Variants in TRIM14 observed in about 807,000 individuals in gnomAD.
The protein encoded by TRIM14 is tripartite motif containing 14.
TRIM14 carries 28 observed loss-of-function variants against 44.5 expected under a neutral mutation model. The observed-to-expected ratio is 0.63, with a 90% CI of 0.47 to 0.86. The LOEUF is 0.86. Ranked by LOEUF, TRIM14 falls within the 40% of genes least tolerant of loss-of-function variation. The probability of loss-of-function intolerance (pLI) is 0.00; values close to 1 mark genes in which losing one functional copy is unlikely to be tolerated. For synonymous variants in TRIM14, 299 were observed against 269.2 expected (o/e 1.11, Z -1.08); for missense variants, 607 against 611.1 (o/e 0.99, Z 0.07).
At chr9:98,083,093 C>T, downstream of TRIM14, 2 of 1,594,594 alleles carry the variant, frequency 1.3e-6, no homozygotes, top group East Asian at 2.2e-5. Flanking sequence ...AGTTCCCTTG[C>T]TGATGCTGTC....
chr9:98,041,324 T>C, the TRIM14 span, among the ~76,000 whole-genome samples: 1 of 152,158 alleles, frequency 6.6e-6, no homozygotes, highest in African/African-American at 2.4e-5. Context: ...AGCCAATTTT[T>C]TCTCTCTCCA....
the TRIM14 span, among the ~76,000 whole-genome samples, chr9:98,063,006 G>C: frequency 3.5e-3 from 528 of 150,352 alleles, 5 homozygotes; most frequent in African/African-American, 0.011. Context: ...GCGTGATCTC[G>C]GCTCGCTGCA....
the TRIM14 span, chr9:98,060,895 G>A: frequency 1.2e-6 from 2 of 1,614,188 alleles, no homozygotes; most frequent in Non-Finnish European, 1.7e-6. Flanking sequence ...AGACGTACGG[G>A]GAGCACAAAC....
intron 2 of TRIM14, among the ~76,000 whole-genome samples, chr9:98,106,911 C>T (rs373861971): frequency 9.4e-5 from 14 of 149,196 alleles, no homozygotes; most frequent in African/African-American, 3.5e-4. Flanking sequence ...ACTGCAATTT[C>T]AACCTTCTGA....
chr9:98,111,776 T>C (rs1826861886), intron 1 of TRIM14, among the ~76,000 whole-genome samples: 1 of 151,960 alleles, frequency 6.6e-6, no homozygotes, highest in Admixed American at 6.6e-5. Context: ...CCGTCTCTAC[T>C]ACAAATACAA....
intron 1 of TRIM14, among the ~76,000 whole-genome samples, chr9:98,111,053 C>T (rs1019979037): frequency 1.3e-5 from 2 of 150,710 alleles, no homozygotes; most frequent in Admixed American, 6.6e-5. Flanking sequence ...CCCTGTCCCC[C>T]CCCCCAAAAA....
chr9:98,117,432 G>A (rs960848993), intron 1 of TRIM14, among the ~76,000 whole-genome samples: 2 of 151,944 alleles, frequency 1.3e-5, no homozygotes, highest in African/African-American at 2.4e-5. Context: ...TGAGTAGCTG[G>A]GATTACAGAT....
chr9:98,084,713 A>T lies in TRIM14; in HGVS notation c.*2757T>A, dbSNP rs1218223491. On this transcript the variant is annotated 3_prime_UTR_variant, in exon 6 of 6. Transcript: ENST00000341469. Reference sequence around the variant, plus strand: ...GAGACAAGAGTCTTGCTCTGTCCCCAGGCTGGAGTGCAGTGGTGCAATCTC... The same window carrying T: ...GAGACAAGAGTCTTGCTCTGTCCCCTGGCTGGAGTGCAGTGGTGCAATCTC... The T allele has an allele frequency of 6.6e-6, 1 of 152,190 alleles. No homozygotes were observed. Among genetic ancestry groups the T allele is most frequent in the Non-Finnish European group, 1.5e-5 (1 of 68,090 alleles). The allele number at this position is 152,190 out of a possible 1,614,324, so 9.4% of individuals were successfully genotyped here.
chr9:98,065,334 C>G (rs936804125), downstream of TRIM14, among the ~76,000 whole-genome samples: 2 of 60,068 alleles, frequency 3.3e-5, no homozygotes, highest in African/African-American at 1.8e-4. Flanking sequence ...TTTTTTGAAA[C>G]AGAGTTTCGT....
At chr9:98,060,705 A>G in the TRIM14 span, 1 of 1,279,090 alleles carries the variant, frequency 7.8e-7, no homozygotes, top group Non-Finnish European at 1.1e-6. Flanking sequence ...GTGATGTCAT[A>G]GTGGTTGCTC....
chr9:98,109,984 T>C lies in TRIM14; in HGVS notation c.208A>G (p.Lys70Glu). The change falls in exon 2 of 6, where the codon AAA becomes GAA. Residue 70 changes from lysine to glutamate, a missense_variant and splice_region_variant. By Grantham distance (56) the Lys-to-Glu change is moderately conservative. Around this residue, in one of 3 missense-constraint regions of TRIM14, gnomAD observed 246 missense variants for 270.8 expected, o/e 0.91. Transcript: ENST00000341469. ...TGCTTTAAACATTCTTGGCTGAGTT[T>C]CTGTACAGGAGGGAGTTAGGAAAAA... Reference protein sequence around the residue: ...LALEAAVHVQKLSQECLKQLA... With the variant: ...LALEAAVHVQELSQECLKQLA... 6.2e-7 allele frequency: 1 copy of C among 1,613,734 alleles called. No homozygotes were observed. Among genetic ancestry groups the C allele is most frequent in the South Asian group, 1.1e-5 (1 of 91,074 alleles).
At chr9:98,118,842 T>TA in intron 1 of TRIM14, 140 bp downstream of exon 1, 4 of 1,038,488 alleles carry the variant, frequency 3.9e-6, no homozygotes, top group Non-Finnish European at 3.9e-6. Context: ...GTCGACCGCT[T>TA]AGACGCCCTC....
At chr9:98,066,707 G>C (rs1430784587), downstream of TRIM14, among the ~76,000 whole-genome samples, 1 of 151,336 alleles carries the variant, frequency 6.6e-6, no homozygotes. Flanking sequence ...CTGGAGTGCA[G>C]TGGTAGGATC....
chr9:98,064,124 G>A, the TRIM14 span, among the ~76,000 whole-genome samples: 1 of 152,184 alleles, frequency 6.6e-6, no homozygotes, highest in Non-Finnish European at 1.5e-5. Context: ...GAGGAAGGTG[G>A]AGAACCTAGG....
the TRIM14 span, among the ~76,000 whole-genome samples, chr9:98,047,410 G>A: frequency 1.3e-5 from 2 of 152,008 alleles, no homozygotes; most frequent in Admixed American, 1.3e-4. Context: ...CAGTAGAGTG[G>A]ACCACTGCTG....
chr9:98,107,720 A>G (rs916684571), intron 2 of TRIM14, among the ~76,000 whole-genome samples: 2 of 151,924 alleles, frequency 1.3e-5, no homozygotes, highest in Non-Finnish European at 1.5e-5. Context: ...AGGCTGGAGT[A>G]CAGAGGCATG....
downstream of TRIM14, among the ~76,000 whole-genome samples, chr9:98,068,342 G>C (rs1368649581): frequency 6.6e-6 from 1 of 151,824 alleles, no homozygotes; most frequent in Non-Finnish European, 1.5e-5. Flanking sequence ...GTTTCACCTT[G>C]TTGGTCAGGC....
chr9:98,107,637 C>T lies in TRIM14; in HGVS notation c.303+2252G>A, dbSNP rs149595780. On this transcript the variant is annotated intron_variant, in intron 2 of 5. Transcript: ENST00000341469. ...GGGTTAGGGATTGGTCGGGGGGATA[C>T]AGTGGGTAGGGAGGTGACCATAAAG... Among the ~76,000 whole-genome samples the T allele has an allele frequency of 3.4e-3, 511 of 151,582 alleles. 4 individuals are homozygous for T. The highest frequency in any genetic ancestry group is 2.8e-3 in the Non-Finnish European group (192 of 67,938).
In TRIM14 at chr9:98,100,160, T is replaced by C; in HGVS notation, c.308A>G (p.Asn103Ser). The change falls in exon 3 of 6, where the codon AAT becomes AGT. Residue 103 changes from asparagine (N) to serine (S), a missense_variant. This residue lies in a region of TRIM14 where 246 missense variants were observed against 270.8 expected (regional missense o/e 0.91). Transcript: ENST00000341469. Reference sequence around the variant, plus strand: ...CAGCCAGGTTTTACTTGACTCTGCATTAGCCTAAAAACAGAAAAACCAGTT... The same window carrying C: ...CAGCCAGGTTTTACTTGACTCTGCACTAGCCTAAAAACAGAAAAACCAGTT... ...IEDATEKLKA[N>S]AESSKTWLKG... 2 of 1,613,906 alleles carry C rather than the reference T, an allele frequency of 1.2e-6. No individual in the cohort carries two copies. Among genetic ancestry groups the C allele is most frequent in the East Asian group, 4.5e-5 (2 of 44,892 alleles).
Sources: allele counts gnomAD v4.1 joint callset (sites outside exome capture counted in the v4.1 genomes callset), GRCh38; gene constraint gnomAD v4.1.1; regional missense constraint gnomAD v4.1.1; transcripts MANE v1.5; gene names NCBI Gene and HGNC (gene_info 2026-07-23, HGNC 2026-07-21).